Variants in PLAAT1 observed in about 807,000 individuals in gnomAD.
PLAAT1 encodes the protein phospholipase A and acyltransferase 1, also known as H-REV107 protein-related protein.
PLAAT1 carries 13 observed loss-of-function variants against 16.4 expected under a neutral mutation model. The observed-to-expected ratio is 0.79, with a 90% CI of 0.52 to 1.26. The LOEUF (loss-of-function observed/expected upper bound fraction) is 1.26. Among genes scored for constraint, PLAAT1 ranks in the 50% most tolerant of loss-of-function variants. PLAAT1 has a pLI of 0.00. For synonymous variants in PLAAT1, 73 were observed against 78.4 expected, an observed-to-expected ratio of 0.93 and a Z score of 0.36; for missense variants, 218 against 207.8, an observed-to-expected ratio of 1.05 and a Z score of -0.30.
In PLAAT1 at chr3:193,255,513, C is replaced by A. The variant is rs183778280; in HGVS notation, c.1-138C>A. Reference sequence around the variant, plus strand: ...TGTTGGAATCATTCAAAGAAAAGGACAGGGTCGTGATTCTAAGTCTTTAAT... The same window carrying A: ...TGTTGGAATCATTCAAAGAAAAGGAAAGGGTCGTGATTCTAAGTCTTTAAT... On this transcript the variant is annotated intron_variant, in intron 1 of 3. Transcript: ENST00000264735. 3.3e-4 allele frequency: 256 copies of A among 768,676 alleles called. 1 individual carries two copies. In the African/African-American group the frequency reaches 4.3e-3, roughly 13 times the overall value. The allele number at this position is 768,676 out of a possible 1,614,324, so 47.6% of individuals were successfully genotyped here.
At chr3:193,276,851 TTATTA>T in intron 2 of PLAAT1, 1 of 1,565,646 alleles carries the variant, frequency 6.4e-7, no homozygotes, top group Non-Finnish European at 8.8e-7. Flanking sequence ...ACAAATACCA[TTATTA>T]TATTTTGCAC....
chr3:193,251,539 T>G (rs972163567), intron 1 of PLAAT1, among the ~76,000 whole-genome samples: 3 of 152,096 alleles, frequency 2.0e-5, no homozygotes, highest in Admixed American at 1.3e-4. Context: ...TTGAGGGAAA[T>G]CCTCCAATGC....
intron 3 of PLAAT1, among the ~76,000 whole-genome samples, chr3:193,264,166 A>G (rs1716692174): frequency 6.6e-6 from 1 of 152,224 alleles, no homozygotes; most frequent in African/African-American, 2.4e-5. Context: ...GACTTCCAGT[A>G]TTTTGAAATG....
upstream of PLAAT1, chr3:193,241,214 T>C: frequency 4.1e-6 from 5 of 1,223,016 alleles, no homozygotes; most frequent in Non-Finnish European, 5.1e-6. Flanking sequence ...AGCGGGCGGC[T>C]CCCCATGGTC....
intron 2 of PLAAT1, 71 bp from the exon 3 acceptor site, chr3:193,262,899 A>G: frequency 6.7e-7 from 1 of 1,484,548 alleles, no homozygotes. Context: ...GCATTTCCAA[A>G]GTCTTTAGAT....
chr3:193,245,391 A>G (rs1303487457), intron 1 of PLAAT1, among the ~76,000 whole-genome samples: 1 of 152,166 alleles, frequency 6.6e-6, no homozygotes, highest in African/African-American at 2.4e-5. Flanking sequence ...AAAAGGCTGT[A>G]TAGTTATTTC....
chr3:193,269,135 C>T (rs996056193), intron 3 of PLAAT1, among the ~76,000 whole-genome samples: 1 of 152,106 alleles, frequency 6.6e-6, no homozygotes, highest in Non-Finnish European at 1.5e-5. Flanking sequence ...CCTCTTCTCC[C>T]CCGCTCCCCC....
At chr3:193,278,949 T>G (rs1460221261), downstream of PLAAT1, among the ~76,000 whole-genome samples, 1 of 152,196 alleles carries the variant, frequency 6.6e-6, no homozygotes, top group Non-Finnish European at 1.5e-5. Context: ...TAAAACTTCA[T>G]GTAGTCAATA....
At chr3:193,254,794 G>A (rs1716315351) in intron 1 of PLAAT1, among the ~76,000 whole-genome samples, 1 of 152,154 alleles carries the variant, frequency 6.6e-6, no homozygotes, top group African/African-American at 2.4e-5. Flanking sequence ...GAAAATCTGT[G>A]ATGGCATTTA....
intron 1 of PLAAT1, among the ~76,000 whole-genome samples, chr3:193,250,258 G>T (rs1716141955): frequency 6.6e-6 from 1 of 152,090 alleles, no homozygotes; most frequent in Non-Finnish European, 1.5e-5. Context: ...TCAAGTCATT[G>T]CCTATGAGAG....
At chr3:193,252,241 A>T (rs968921517) in intron 1 of PLAAT1, among the ~76,000 whole-genome samples, 5 of 152,134 alleles carry the variant, frequency 3.3e-5, no homozygotes, top group Admixed American at 3.3e-4. Flanking sequence ...TTGTGAACTC[A>T]GTCATCACCA....
intron 1 of PLAAT1, among the ~76,000 whole-genome samples, chr3:193,250,792 C>T (rs1716162395): frequency 6.6e-6 from 1 of 152,062 alleles, no homozygotes; most frequent in Non-Finnish European, 1.5e-5. Flanking sequence ...CAAGGAGTGC[C>T]CACTTTCCCT....
At chr3:193,269,924 T>C (rs1716924820) in intron 3 of PLAAT1, among the ~76,000 whole-genome samples, 1 of 152,202 alleles carries the variant, frequency 6.6e-6, no homozygotes, top group South Asian at 2.1e-4. Flanking sequence ...ACATGAGAAA[T>C]TAATTTTTGA....
At chr3:193,256,805 A>G (rs1243767728) in intron 2 of PLAAT1, among the ~76,000 whole-genome samples, 1 of 152,222 alleles carries the variant, frequency 6.6e-6, no homozygotes, top group Non-Finnish European at 1.5e-5. Flanking sequence ...ATTTCTGTGT[A>G]AGGATATTCA....
At chr3:193,279,343 A>G, downstream of PLAAT1, 25 of 1,556,668 alleles carry the variant, frequency 1.6e-5, no homozygotes, top group Non-Finnish European at 2.1e-5. Context: ...GTCATGCCAG[A>G]TGTGCAAATG....
intron 1 of PLAAT1, among the ~76,000 whole-genome samples, chr3:193,245,817 G>T (rs1715962646): frequency 1.3e-5 from 2 of 152,004 alleles, no homozygotes; most frequent in Admixed American, 1.3e-4. Flanking sequence ...CTACCTTTTG[G>T]CTATTTGTGT....
At chr3:193,260,108 G>T (rs1454362709) in intron 2 of PLAAT1, among the ~76,000 whole-genome samples, 1 of 152,044 alleles carries the variant, frequency 6.6e-6, no homozygotes, top group East Asian at 1.9e-4. Context: ...AATGGGGAAA[G>T]GTCTTCCTAT....
intron 1 of PLAAT1, among the ~76,000 whole-genome samples, chr3:193,244,265 C>T (rs9825901): frequency 0.02 from 3,003 of 152,118 alleles, 86 homozygotes; most frequent in African/African-American, 0.069. Flanking sequence ...CCTAGAAGTA[C>T]AGTTGCTGGA....
intron 3 of PLAAT1, among the ~76,000 whole-genome samples, chr3:193,268,799 C>T (rs1716867892): frequency 6.6e-6 from 1 of 152,144 alleles, no homozygotes; most frequent in Non-Finnish European, 1.5e-5. Flanking sequence ...AACCAGGCCT[C>T]TTAAATTTGT....
Sources: allele counts gnomAD v4.1 joint callset (sites outside exome capture counted in the v4.1 genomes callset), GRCh38; gene constraint gnomAD v4.1.1; transcripts MANE v1.5; gene names NCBI Gene and HGNC (gene_info 2026-07-23, HGNC 2026-07-21).